ALOX5: variants seen among roughly 807,000 people sequenced by gnomAD.
ALOX5 encodes the protein arachidonate 5-lipoxygenase, also known as polyunsaturated fatty acid 5-lipoxygenase.
ALOX5 carries 64 observed loss-of-function variants against 87.9 expected under a neutral mutation model. The ratio of observed to expected loss-of-function variants is 0.73; its 90% confidence interval spans 0.60 to 0.90. ALOX5 has a LOEUF of 0.90. ALOX5 is among the 40% of genes least tolerant of loss of function. ALOX5 has a pLI of 0.00. For missense variants in ALOX5, 822 were observed against 907.5 expected (o/e 0.91, Z 1.21); for synonymous variants, 388 against 355.1 (o/e 1.09, Z -1.04).
Position 45,445,621 on chromosome 10 carries a change from CAAG to C in ALOX5, c.1966_1968del (p.Lys656del), listed in dbSNP as rs750469694. On this transcript the variant is annotated inframe_deletion, in exon 14 of 14. Transcript: ENST00000374391. ...TTGTCAGCGTGATTGCTGAGCGCAA[CAAG>C]AAGAAGCAGCTGCCATATTACTACT... The C allele has an allele frequency of 8.1e-6, 13 of 1,614,110 alleles. No homozygotes were observed. The highest frequency in any genetic ancestry group is 4.5e-5 in the East Asian group (2 of 44,876).
rs752896072 is a variant in ALOX5, at chr10:45,424,166, G to A, written c.661+19G>A. 1.3e-6 allele frequency: 2 copies of A among 1,591,166 alleles called. No homozygotes were observed. Among genetic ancestry groups the A allele is most frequent in the Non-Finnish European group, 1.7e-6 (2 of 1,159,242 alleles). On this transcript the variant is annotated intron_variant, in intron 5 of 13. Transcript: ENST00000374391. Reference sequence around the variant, plus strand: ...ATTTCTGGTGAGTGTGCCTCTGGGGGCCCAAGTGGTGCTGGGGACAGGGGA... The same window carrying A: ...ATTTCTGGTGAGTGTGCCTCTGGGGACCCAAGTGGTGCTGGGGACAGGGGA...
At chr10:45,401,918 C>T (rs1840711643) in intron 3 of ALOX5, among the ~76,000 whole-genome samples, 1 of 151,972 alleles carries the variant, frequency 6.6e-6, no homozygotes, top group African/African-American at 2.4e-5. Context: ...AACCCCGTCT[C>T]TACTAAAAAA....
At position 45,374,221 on chromosome 10, in the gene ALOX5, C is replaced by A; in HGVS notation, c.-59C>A. 1 of 1,406,978 alleles carries A rather than the reference C, an allele frequency of 7.1e-7. No individual in the cohort carries two copies. The highest frequency in any genetic ancestry group is 9.2e-7 in the Non-Finnish European group (1 of 1,082,004). The allele number at this position is 1,406,978 out of a possible 1,614,324, so 87.2% of individuals were successfully genotyped here. On this transcript the variant is annotated 5_prime_UTR_variant, in exon 1 of 14. Transcript: ENST00000374391. ...TGGGAGGAGGCTGCGGCGCTAGATG[C>A]GGACACCTGGACCGCCGCGCCGAGG...
intron 2 of ALOX5, among the ~76,000 whole-genome samples, chr10:45,393,221 C>T (rs765974369): frequency 2.6e-5 from 4 of 152,068 alleles, no homozygotes; most frequent in Non-Finnish European, 4.4e-5. Context: ...ACTGGCAAAC[C>T]GAATCCAGCA....
At chr10:45,444,336 G>A (rs1466483382) in intron 13 of ALOX5, 50 bp downstream of exon 13, 4 of 1,506,990 alleles carry the variant, frequency 2.7e-6, no homozygotes, top group Admixed American at 4.2e-5. Flanking sequence ...CAGGTTAAGC[G>A]GTTCCTCAGC....
At chr10:45,381,792 C>T (rs1839839374) in intron 1 of ALOX5, among the ~76,000 whole-genome samples, 1 of 152,250 alleles carries the variant, frequency 6.6e-6, no homozygotes, top group South Asian at 2.1e-4. Flanking sequence ...TTGTCCATTT[C>T]TTTCACCTGC....
At chr10:45,415,352 G>GC (rs1841240264) in intron 4 of ALOX5, among the ~76,000 whole-genome samples, 1 of 152,002 alleles carries the variant, frequency 6.6e-6, no homozygotes, top group Non-Finnish European at 1.5e-5. Context: ...ACCAAACACC[G>GC]CATGTTCTCA....
chr10:45,427,761 C>T (rs1841772479), intron 6 of ALOX5, among the ~76,000 whole-genome samples: 1 of 152,200 alleles, frequency 6.6e-6, no homozygotes, highest in Non-Finnish European at 1.5e-5. Flanking sequence ...ACCTGGCGTT[C>T]CTAGGGGCCC....
At chr10:45,418,943 A>T (rs1841398938) in intron 4 of ALOX5, among the ~76,000 whole-genome samples, 1 of 151,856 alleles carries the variant, frequency 6.6e-6, no homozygotes, top group Non-Finnish European at 1.5e-5. Context: ...GTCCTGGAAG[A>T]GGTGGGGGCG....
At chr10:45,441,234 C>T (rs908571926) in intron 8 of ALOX5, 110 bp from the exon 9 acceptor site, 15 of 893,174 alleles carry the variant, frequency 1.7e-5, no homozygotes, top group East Asian at 2.4e-5. Flanking sequence ...TTCCTCCCTG[C>T]GCCCAGCATC....
intron 6 of ALOX5, among the ~76,000 whole-genome samples, chr10:45,427,557 C>A (rs747998228): frequency 1.3e-5 from 2 of 152,222 alleles, no homozygotes; most frequent in Non-Finnish European, 2.9e-5. Flanking sequence ...GCCCGGGGGT[C>A]CTGCGCGCGG....
chr10:45,374,941 G>A (rs1365603467), intron 1 of ALOX5, among the ~76,000 whole-genome samples: 2 of 152,152 alleles, frequency 1.3e-5, no homozygotes, highest in Non-Finnish European at 2.9e-5. Flanking sequence ...CGGGTCCAGA[G>A]GCCTGAGTTC....
chr10:45,433,163 A>G (rs1841962063), intron 7 of ALOX5, among the ~76,000 whole-genome samples: 1 of 152,250 alleles, frequency 6.6e-6, no homozygotes, highest in South Asian at 2.1e-4. Context: ...AGACACCAGC[A>G]AGGACGGAGC....
At chr10:45,391,742 C>A (rs1840269815) in intron 2 of ALOX5, among the ~76,000 whole-genome samples, 1 of 151,580 alleles carries the variant, frequency 6.6e-6, no homozygotes, top group Admixed American at 6.6e-5. Context: ...CACCACTGCC[C>A]CACCACCCTG....
At chr10:45,433,239 A>C (rs12265175) in intron 7 of ALOX5, among the ~76,000 whole-genome samples, 4,051 of 152,288 alleles carry the variant, frequency 0.027, 170 homozygotes, top group African/African-American at 0.088. Context: ...GGGCCTGGGC[A>C]GCCCAAGGTC....
chr10:45,445,471 G>A (rs541209217), intron 13 of ALOX5, 37 bp from the exon 14 acceptor site: 1 of 1,596,634 alleles, frequency 6.3e-7, no homozygotes, highest in Non-Finnish European at 8.6e-7. Context: ...ACGGGTAGTG[G>A]ATTGACCTAT....
chr10:45,379,450 C>T (rs1839751858), intron 1 of ALOX5, among the ~76,000 whole-genome samples: 1 of 152,236 alleles, frequency 6.6e-6, no homozygotes, highest in Admixed American at 6.5e-5. Context: ...CCTCTGTCCT[C>T]ACAGCCCTGT....
At chr10:45,381,078 G>A (rs1001296925) in intron 1 of ALOX5, among the ~76,000 whole-genome samples, 10 of 152,238 alleles carry the variant, frequency 6.6e-5, no homozygotes, top group Non-Finnish European at 1.3e-4. Flanking sequence ...AGAGACAAAA[G>A]CCCTCCAGAA....
chr10:45,435,083 G>C (rs540665813), intron 7 of ALOX5, among the ~76,000 whole-genome samples: 94 of 152,342 alleles, frequency 6.2e-4, no homozygotes, highest in Non-Finnish European at 1.1e-3. Context: ...ACAGGAGTGG[G>C]AGGATGTGAA....
Sources: allele counts gnomAD v4.1 joint callset (sites outside exome capture counted in the v4.1 genomes callset), GRCh38; gene constraint gnomAD v4.1.1; transcripts MANE v1.5; gene names NCBI Gene and HGNC (gene_info 2026-07-23, HGNC 2026-07-21).